Variants in TCF7L2 observed in about 807,000 individuals in gnomAD.
TCF7L2 encodes the protein transcription factor 7 like 2, also known as transcription factor 7-like 2.
TCF7L2 carries 23 observed loss-of-function variants against 77.9 expected under a neutral mutation model. The observed-to-expected ratio is 0.30, with a 90% CI of 0.21 to 0.42. The LOEUF is 0.42. TCF7L2 is among the 10% of genes least tolerant of loss of function. The pLI is 1.00. For missense variants in TCF7L2, 654 were observed against 793.1 expected (o/e 0.82, Z 2.11); for synonymous variants, 413 against 340.2 (o/e 1.21, Z -2.36).
At chr10:113,129,448 C>T (rs1451176878) in intron 5 of TCF7L2, 21 of 1,007,724 alleles carry the variant, frequency 2.1e-5, no homozygotes, top group African/African-American at 1.0e-4. Flanking sequence ...CCTTCCTTCA[C>T]GGATTCTGTA....
chr10:112,999,041 G>T (rs1156490735), intron 4 of TCF7L2, among the ~76,000 whole-genome samples: 1 of 152,280 alleles, frequency 6.6e-6, no homozygotes, highest in South Asian at 2.1e-4. Context: ...TTCAGAGACA[G>T]GGTCTCATTC....
chr10:113,077,862 TTTATTTATTTATTTA>T (rs2058876966), intron 5 of TCF7L2, among the ~76,000 whole-genome samples: 1 of 15,706 alleles, frequency 6.4e-5, no homozygotes, highest in Admixed American at 8.1e-4. Flanking sequence ...GGCTTGCTTA[TTTATTTATTTATTTA>T]TTTATTTATT....
At chr10:113,165,507 T>C in intron 13 of TCF7L2, 48 bp from the exon 15 acceptor site, 2 of 1,593,990 alleles carry the variant, frequency 1.3e-6, no homozygotes, top group Non-Finnish European at 1.7e-6. Flanking sequence ...CTCTCTCCCT[T>C]GGCATCTGTG....
intron 5 of TCF7L2, among the ~76,000 whole-genome samples, chr10:113,088,800 A>AG (rs11369912): frequency 0.02 from 3,058 of 152,124 alleles, 108 homozygotes; most frequent in African/African-American, 0.069. Context: ...CCACAAAAAA[A>AG]TAAAATAAAA....
At chr10:112,954,038 T>C (rs1284661554) in intron 3 of TCF7L2, among the ~76,000 whole-genome samples, 1 of 152,192 alleles carries the variant, frequency 6.6e-6, no homozygotes, top group African/African-American at 2.4e-5. Flanking sequence ...GAAATGAGGA[T>C]GGTAGGCTGT....
intron 1 of TCF7L2, 87 bp from the exon 2 acceptor site, chr10:112,951,120 C>T: frequency 8.0e-7 from 1 of 1,252,470 alleles, no homozygotes; most frequent in Non-Finnish European, 1.1e-6. Context: ...ACCCCCCCCT[C>T]GACCTCGCCG....
intron 6 of TCF7L2, among the ~76,000 whole-genome samples, chr10:113,142,451 G>C (rs1766684564): frequency 6.6e-6 from 1 of 152,248 alleles, no homozygotes; most frequent in Non-Finnish European, 1.5e-5. Flanking sequence ...GGTAAGGTTA[G>C]TGTGTGTCTT....
chr10:113,022,271 T>G (rs1374424192), intron 4 of TCF7L2, among the ~76,000 whole-genome samples: 1 of 152,254 alleles, frequency 6.6e-6, no homozygotes, highest in African/African-American at 2.4e-5. Flanking sequence ...TGGCTGATTG[T>G]GCTCTGTGTG....
At chr10:112,976,894 T>C (rs76312914) in intron 4 of TCF7L2, among the ~76,000 whole-genome samples, 1 of 152,150 alleles carries the variant, frequency 6.6e-6, no homozygotes, top group Admixed American at 6.5e-5. Context: ...GTAACTATGG[T>C]TGGACTGGTG....
chr10:112,982,564 A>G lies in TCF7L2; in HGVS notation c.450+17940A>G, dbSNP rs541340041. Among the ~76,000 whole-genome samples the G allele has an allele frequency of 9.2e-5, 14 of 152,262 alleles. No homozygotes were observed. The East Asian group carries it at 2.7e-3, about 29-fold the overall frequency. ...TTTCCCCGCTTGCTTAGTACCTCATAGCGGAATCTGGACTTGAGTTATTTC... is the reference window on the plus strand; with the variant it reads ...TTTCCCCGCTTGCTTAGTACCTCATGGCGGAATCTGGACTTGAGTTATTTC... On this transcript the variant is annotated intron_variant, in intron 4 of 13. Coordinates refer to ENST00000627217, the MANE Select transcript of TCF7L2 (RefSeq NM_001146274.2).
chr10:112,955,348 A>G (rs1382776327), intron 3 of TCF7L2, among the ~76,000 whole-genome samples: 1 of 152,218 alleles, frequency 6.6e-6, no homozygotes, highest in Non-Finnish European at 1.5e-5. Context: ...ATGCAACCGT[A>G]TTAATTCCAT....
At chr10:113,118,518 G>GTGTGTGTGTGTGT (rs2064187204) in intron 5 of TCF7L2, among the ~76,000 whole-genome samples, 1 of 45,482 alleles carries the variant, frequency 2.2e-5, no homozygotes, top group Admixed American at 3.4e-4. Flanking sequence ...GGTCATCTGG[G>GTGTGTGTGTGTGT]GGGTGTGTGT....
rs2038245280 is a variant in TCF7L2 at position 112,971,562 on chromosome 10, G to C, written c.450+6938G>C. ...TGACCTCAGATGATCCTCCTGCCTT[G>C]GCCTCCCAAAGTGCTGGGATTACAG... On this transcript the variant is annotated intron_variant, in intron 4 of 13. Transcript: ENST00000627217. Among the ~76,000 whole-genome samples the C allele has an allele frequency of 2.6e-5, 4 of 151,782 alleles. No homozygotes were observed. The South Asian group carries it at 8.3e-4, about 32-fold the overall frequency.
At chr10:113,017,016 C>G (rs1259252454) in intron 4 of TCF7L2, among the ~76,000 whole-genome samples, 1 of 152,182 alleles carries the variant, frequency 6.6e-6, no homozygotes, top group Non-Finnish European at 1.5e-5. Flanking sequence ...CCCCAGCAAG[C>G]AGAGAAGGGG....
intron 5 of TCF7L2, among the ~76,000 whole-genome samples, chr10:113,113,112 G>C (rs1221496236): frequency 1.3e-5 from 2 of 152,116 alleles, no homozygotes; most frequent in African/African-American, 4.8e-5. Flanking sequence ...ATGAGTGACA[G>C]GAGTTTTTGG....
intron 8 of TCF7L2, among the ~76,000 whole-genome samples, chr10:113,149,008 T>C (rs1266623529): frequency 1.3e-5 from 2 of 152,062 alleles, no homozygotes; most frequent in Non-Finnish European, 2.9e-5. Flanking sequence ...CCCCTCCCTC[T>C]CCCTCTCACG....
intron 4 of TCF7L2, among the ~76,000 whole-genome samples, chr10:112,975,017 G>A (rs1242282760): frequency 1.3e-5 from 2 of 149,242 alleles, no homozygotes; most frequent in Non-Finnish European, 3.0e-5. Flanking sequence ...TGAAATCTTA[G>A]CATCCACTTC....
chr10:113,010,027 G>T (rs2046200763), intron 4 of TCF7L2, among the ~76,000 whole-genome samples: 2 of 151,924 alleles, frequency 1.3e-5, no homozygotes, highest in African/African-American at 4.8e-5. Context: ...TGTTTTCATT[G>T]TTCCGTTATC....
intron 4 of TCF7L2, among the ~76,000 whole-genome samples, chr10:112,989,842 A>G (rs1255024838): frequency 1.3e-5 from 2 of 152,166 alleles, no homozygotes; most frequent in African/African-American, 2.4e-5. Context: ...CTCACCTAGT[A>G]CTATGGAAGA....
Sources: gnomAD v4.1 joint callset for allele counts (sites outside exome capture counted in the v4.1 genomes callset) on GRCh38, gnomAD v4.1.1 for gene constraint, MANE v1.5 for transcripts, NCBI Gene and HGNC (gene_info 2026-07-23, HGNC 2026-07-21) for gene names.